Variants in FHIT observed in about 807,000 individuals in gnomAD.
FHIT encodes bis(5'-adenosyl)-triphosphatase.
A neutral mutation model predicts 17.9 loss-of-function variants in FHIT; 19 were observed. The ratio of observed to expected loss-of-function variants is 1.06; its 90% CI spans 0.74 to 1.56. The LOEUF (loss-of-function observed/expected upper bound fraction) is 1.56. FHIT is among the 40% of genes most tolerant of loss of function. The pLI is 0.00. For synonymous variants in FHIT, 81 were observed against 69.7 expected, an observed-to-expected ratio of 1.16 and a Z score of -0.81; for missense variants, 248 against 189.2, an observed-to-expected ratio of 1.31 and a Z score of -1.82.
chr3:60,835,737 C>A (rs1553743701), intron 3 of FHIT, among the ~76,000 whole-genome samples: 1 of 152,140 alleles, frequency 6.6e-6, no homozygotes, highest in Admixed American at 6.5e-5. Flanking sequence ...CCTGCCTCAG[C>A]CTCCTAAGTA....
rs1458712720 is a variant in FHIT, at chr3:59,946,657, G to A, written c.280-24243C>T. ...TTGGTATGATGTTGGCTATGGATTT[G>A]TCATTATTATTTTGAGGTAAGTTCA... On this transcript the variant is annotated intron_variant, in intron 7 of 9. Coordinates refer to ENST00000492590, the MANE Select transcript of FHIT (RefSeq NM_002012.4). Among the ~76,000 whole-genome samples the A allele has an allele frequency of 2.0e-5, 3 of 152,272 alleles. No homozygotes were observed. The East Asian group carries it at 5.8e-4, about 29-fold the overall frequency.
At chr3:60,861,453 G>T (rs1559782532) in intron 3 of FHIT, among the ~76,000 whole-genome samples, 1 of 150,654 alleles carries the variant, frequency 6.6e-6, no homozygotes. Flanking sequence ...CCTCTATCCT[G>T]CTAGATGCCA....
chr3:60,182,282 C>T (rs550180446), intron 5 of FHIT, among the ~76,000 whole-genome samples: 3 of 152,262 alleles, frequency 2.0e-5, no homozygotes, highest in Non-Finnish European at 2.9e-5. Flanking sequence ...GAAAACAAAT[C>T]CTACAGGCCT....
intron 5 of FHIT, among the ~76,000 whole-genome samples, chr3:60,125,617 C>G (rs1412480550): frequency 1.6e-5 from 2 of 122,764 alleles, no homozygotes; most frequent in Non-Finnish European, 3.4e-5. Context: ...GACACTGTCT[C>G]AAAAAAAAAA....
At chr3:60,955,623 T>TAC (rs1559862428) in intron 3 of FHIT, among the ~76,000 whole-genome samples, 31 of 15,508 alleles carry the variant, frequency 2.0e-3, no homozygotes, top group South Asian at 0.018. Flanking sequence ...TATATATATA[T>TAC]ATATATATAT....
chr3:60,884,100 G>A (rs1490639270), intron 3 of FHIT, among the ~76,000 whole-genome samples: 1 of 152,180 alleles, frequency 6.6e-6, no homozygotes, highest in South Asian at 2.1e-4. Context: ...TGGACAAGAG[G>A]CATATGAAAA....
intron 5 of FHIT, among the ~76,000 whole-genome samples, chr3:60,061,560 T>C (rs1311781232): frequency 2.0e-5 from 3 of 152,202 alleles, no homozygotes; most frequent in African/African-American, 7.2e-5. Flanking sequence ...AGTGAGTAAT[T>C]ATAGCAAATA....
chr3:60,588,353 A>G (rs782238063), intron 4 of FHIT, among the ~76,000 whole-genome samples: 1 of 152,106 alleles, frequency 6.6e-6, no homozygotes, highest in Non-Finnish European at 1.5e-5. Context: ...AAGAACAAAC[A>G]GTCAAATGAC....
At chr3:60,231,728 C>A (rs1434184556) in intron 5 of FHIT, among the ~76,000 whole-genome samples, 4 of 152,260 alleles carry the variant, frequency 2.6e-5, no homozygotes, top group Non-Finnish European at 5.9e-5. Flanking sequence ...TTATTATTAT[C>A]CCTATTAAAT....
intron 5 of FHIT, among the ~76,000 whole-genome samples, chr3:60,219,151 T>C (rs141780373): frequency 1.9e-4 from 29 of 152,250 alleles, no homozygotes; most frequent in African/African-American, 6.7e-4. Flanking sequence ...TCTAATTTCC[T>C]ACTGCATCTG....
chr3:60,087,148 T>G (rs544188799), intron 5 of FHIT, among the ~76,000 whole-genome samples: 2 of 152,204 alleles, frequency 1.3e-5, no homozygotes, highest in Admixed American at 6.5e-5. Flanking sequence ...CTGGGGCCAT[T>G]TGAGCCATGG....
intron 5 of FHIT, among the ~76,000 whole-genome samples, chr3:60,034,463 C>T (rs952315859): frequency 1.3e-5 from 2 of 152,204 alleles, no homozygotes; most frequent in Non-Finnish European, 2.9e-5. Flanking sequence ...TAAACTACTC[C>T]ATTTACCCAC....
At chr3:60,822,859 T>C (rs1553739783) in intron 3 of FHIT, among the ~76,000 whole-genome samples, 1 of 152,190 alleles carries the variant, frequency 6.6e-6, no homozygotes. Flanking sequence ...GACAATGCAC[T>C]AATCCCCTAA....
chr3:60,631,299 A>T (rs956098128), intron 4 of FHIT, among the ~76,000 whole-genome samples: 4 of 152,206 alleles, frequency 2.6e-5, no homozygotes, highest in African/African-American at 9.6e-5. Context: ...TTACATTTGT[A>T]TGAAACTGTA....
chr3:60,702,011 G>A (rs528592513), intron 4 of FHIT, among the ~76,000 whole-genome samples: 13 of 152,172 alleles, frequency 8.5e-5, no homozygotes, highest in East Asian at 1.9e-4. Flanking sequence ...AGGTGGTTTC[G>A]CCACCATGCC....
intron 5 of FHIT, among the ~76,000 whole-genome samples, chr3:60,146,425 C>T (rs1700243906): frequency 6.6e-6 from 1 of 151,890 alleles, no homozygotes; most frequent in South Asian, 2.1e-4. Context: ...ATCATAAACA[C>T]CCCATCCTCT....
chr3:60,812,698 A>C (rs1553736486), intron 4 of FHIT, among the ~76,000 whole-genome samples: 1 of 151,506 alleles, frequency 6.6e-6, no homozygotes, highest in Non-Finnish European at 1.5e-5. Context: ...ATTTATCTTC[A>C]AGGGAGTCCA....
intron 2 of FHIT, among the ~76,000 whole-genome samples, chr3:61,118,164 C>T (rs977610317): frequency 1.3e-5 from 2 of 152,122 alleles, no homozygotes; most frequent in African/African-American, 4.8e-5. Context: ...TTATTACCTC[C>T]AAATTTATTC....
chr3:60,342,993 C>T (rs1559837082), intron 5 of FHIT, among the ~76,000 whole-genome samples: 1 of 152,194 alleles, frequency 6.6e-6, no homozygotes, highest in East Asian at 1.9e-4. Context: ...GACTGATGTC[C>T]TCTAAATAAA....
Sources: gnomAD v4.1 joint callset for allele counts (sites outside exome capture counted in the v4.1 genomes callset) on GRCh38, gnomAD v4.1.1 for gene constraint, MANE v1.5 for transcripts, NCBI Gene and HGNC (gene_info 2026-07-23, HGNC 2026-07-21) for gene names.